The following NFE2L3 variants were observed in gnomAD, a reference collection of about 807,000 sequenced individuals.
NFE2L3 encodes nuclear factor erythroid 2-related factor 3.
NFE2L3 carries 18 observed loss-of-function variants against 23.5 expected under a neutral mutation model. That is an observed-to-expected ratio of 0.77 (90% CI 0.53 to 1.13). The LOEUF is 1.13. Among genes scored for constraint, NFE2L3 ranks in the 50% most tolerant of loss-of-function variants. The pLI, the probability that NFE2L3 is intolerant of heterozygous loss-of-function variation, is 0.00. For missense variants in NFE2L3, 1,152 were observed against 877.2 expected (o/e 1.31, Z -3.96); for synonymous variants, 424 against 354.5 (o/e 1.20, Z -2.20).
intron 1 of NFE2L3, among the ~76,000 whole-genome samples, chr7:26,163,105 C>T (rs555340524): frequency 4.7e-4 from 72 of 152,112 alleles, no homozygotes; most frequent in Non-Finnish European, 8.2e-4. Context: ...AATTCATGGC[C>T]GGTCATGTTT....
chr7:26,177,855 C>A, intron 1 of NFE2L3, 88 bp from the exon 2 acceptor site: 2 of 1,132,582 alleles, frequency 1.8e-6, no homozygotes, highest in South Asian at 1.5e-5. Flanking sequence ...TAGCTTTTGA[C>A]TTGTGGGTTT....
chr7:26,184,116 A>G (rs1332504378), intron 3 of NFE2L3: 4 of 365,644 alleles, frequency 1.1e-5, no homozygotes, highest in East Asian at 1.1e-4. Flanking sequence ...TATTCACAAT[A>G]GCCTTGTAGT....
Position 26,185,880 on chromosome 7 carries a change from C to CTT in NFE2L3, c.*99_*100dup. On this transcript the variant is annotated 3_prime_UTR_variant, in exon 4 of 4. Coordinates refer to ENST00000056233, the MANE Select transcript of NFE2L3 (RefSeq NM_004289.7). ...ATTGAAACTGCTTCAAGAATTGTAT[C>CTT]TTTAAGTACTGCTACTTGAATAACT... The CTT allele has an allele frequency of 1.0e-6, 1 of 965,162 alleles. No homozygotes were observed. The highest frequency in any genetic ancestry group is 1.8e-5 in the South Asian group (1 of 54,432). 59.8% of individuals were successfully genotyped at this position (965,162 alleles called of 1,614,324 possible).
chr7:26,155,250 C>T (rs530269056), intron 1 of NFE2L3, among the ~76,000 whole-genome samples: 2 of 152,194 alleles, frequency 1.3e-5, no homozygotes, highest in African/African-American at 2.4e-5. Context: ...CGAGACCAGA[C>T]TGGGCAACAT....
intron 1 of NFE2L3, among the ~76,000 whole-genome samples, chr7:26,172,316 C>T (rs925276154): frequency 6.6e-6 from 1 of 152,164 alleles, no homozygotes; most frequent in African/African-American, 2.4e-5. Flanking sequence ...TATATATACC[C>T]TTTACCCAGA....
rs1782505097 is a variant in NFE2L3, at chr7:26,187,037, G to A, written c.*1254G>A. 6.6e-6 allele frequency: 1 copy of A among 152,202 alleles called. No individual in the cohort carries two copies. Among genetic ancestry groups the A allele is most frequent in the Non-Finnish European group, 1.5e-5 (1 of 68,038 alleles). The allele number at this position is 152,202 out of a possible 1,614,324, so 9.4% of individuals were successfully genotyped here. On this transcript the variant is annotated 3_prime_UTR_variant, in exon 4 of 4. Coordinates refer to ENST00000056233, the MANE Select transcript of NFE2L3 (RefSeq NM_004289.7). ...TTATTTCTGCCATAGGAGCTACAGT[G>A]TAGAGTATCACATAAGTATCTTGGG...
At chr7:26,158,283 A>G (rs1160926541) in intron 1 of NFE2L3, among the ~76,000 whole-genome samples, 2 of 152,034 alleles carry the variant, frequency 1.3e-5, no homozygotes, top group Non-Finnish European at 2.9e-5. Flanking sequence ...CCCTTTTTAT[A>G]AGGACATCAT....
chr7:26,159,949 C>CTTTTTTT (rs59484170), intron 1 of NFE2L3, among the ~76,000 whole-genome samples: 1 of 118,476 alleles, frequency 8.4e-6, no homozygotes, highest in Non-Finnish European at 1.8e-5. Flanking sequence ...AATCTTGTTG[C>CTTTTTTT]TTTTTTTTTT....
intron 1 of NFE2L3, among the ~76,000 whole-genome samples, chr7:26,163,369 G>A (rs924103603): frequency 1.1e-4 from 16 of 151,716 alleles, no homozygotes; most frequent in Admixed American, 6.6e-4. Context: ...TTTTTGAAAC[G>A]GAGATTTGCT....
intron 1 of NFE2L3, among the ~76,000 whole-genome samples, chr7:26,168,189 T>TG (rs1784278967): frequency 6.6e-6 from 1 of 151,220 alleles, no homozygotes; most frequent in East Asian, 2.0e-4. Flanking sequence ...CAGACTGGAG[T>TG]GCAATGGTGT....
intron 2 of NFE2L3, among the ~76,000 whole-genome samples, chr7:26,179,679 C>CG (rs375755738): frequency 7.3e-5 from 11 of 150,878 alleles, no homozygotes; most frequent in African/African-American, 2.7e-4. Flanking sequence ...GCACTTCAGA[C>CG]GGGGTGACAG....
At chr7:26,164,281 A>AAAGT (rs1346138548) in intron 1 of NFE2L3, among the ~76,000 whole-genome samples, 1 of 152,162 alleles carries the variant, frequency 6.6e-6, no homozygotes, top group Non-Finnish European at 1.5e-5. Flanking sequence ...CAACAGTGTA[A>AAAGT]AAGTGTTCCT....
Position 26,152,914 on chromosome 7 carries a change from C to A in NFE2L3, c.416C>A (p.Ala139Asp). The change falls in exon 1 of 4, where the codon GCC (alanine) becomes GAC (aspartate). Residue 139 changes from alanine to aspartate, a missense_variant. Physicochemically the swap from Ala to Asp is moderately radical, Grantham distance 126. Coordinates refer to ENST00000056233, the MANE Select transcript of NFE2L3 (RefSeq NM_004289.7). The surrounding 1 kb of genome is among the most constrained non-coding windows in gnomAD (Gnocchi z 4.4). Reference protein sequence around the residue: ...GAAAASSTGGAGASVDGGSQA... With the variant: ...GAAAASSTGGDGASVDGGSQA... ...GCCGCCGCCTCGTCCACCGGAGGAG[C>A]CGGCGCCAGCGTGGACGGCGGCAGC... 3 of 1,442,510 alleles carry A rather than the reference C, an allele frequency of 2.1e-6. No individual in the cohort carries two copies. Among genetic ancestry groups the A allele is most frequent in the Non-Finnish European group, 2.7e-6 (3 of 1,109,384 alleles). 89.4% of individuals were successfully genotyped at this position (1,442,510 alleles called of 1,614,324 possible). A position where few individuals can be genotyped will look rare whatever the true frequency, so the allele number is the denominator to read the frequency against.
chr7:26,181,659 A>G (rs1784512634), intron 2 of NFE2L3, among the ~76,000 whole-genome samples: 1 of 152,162 alleles, frequency 6.6e-6, no homozygotes, highest in African/African-American at 2.4e-5. Context: ...AAAATGACAT[A>G]AATAGCCATG....
At chr7:26,173,665 G>A (rs1016124123) in intron 1 of NFE2L3, 4 of 152,170 alleles carry the variant, frequency 2.6e-5, no homozygotes, top group African/African-American at 9.7e-5. Flanking sequence ...ATAGGAATCA[G>A]TATTGTTGCA....
chr7:26,173,224 C>T (rs1033797694), intron 1 of NFE2L3, among the ~76,000 whole-genome samples: 4 of 152,138 alleles, frequency 2.6e-5, no homozygotes, highest in African/African-American at 7.2e-5. Context: ...ATCTTACATA[C>T]CTTTGTTACC....
intron 1 of NFE2L3, among the ~76,000 whole-genome samples, chr7:26,154,733 G>A (rs1422261322): frequency 6.6e-6 from 1 of 152,142 alleles, no homozygotes; most frequent in African/African-American, 2.4e-5. Flanking sequence ...GTAGAGACAG[G>A]TCTCGCTATG....
At chr7:26,175,651 C>T (rs1784390801) in intron 1 of NFE2L3, among the ~76,000 whole-genome samples, 1 of 151,646 alleles carries the variant, frequency 6.6e-6, no homozygotes, top group African/African-American at 2.4e-5. Context: ...TGGTGCCGGG[C>T]ACCTGTAGTC....
chr7:26,165,647 C>A (rs969840769), intron 1 of NFE2L3, among the ~76,000 whole-genome samples: 2 of 152,144 alleles, frequency 1.3e-5, no homozygotes, highest in African/African-American at 4.8e-5. Context: ...ATTTCCTTCT[C>A]CTGCCTGATT....
Sources: allele counts gnomAD v4.1 joint callset (sites outside exome capture counted in the v4.1 genomes callset), GRCh38; gene constraint gnomAD v4.1.1; non-coding constraint Gnocchi (gnomAD v3.1); transcripts MANE v1.5; gene names NCBI Gene and HGNC (gene_info 2026-07-23, HGNC 2026-07-21).